DAB1: variants seen among roughly 807,000 people sequenced by gnomAD.
DAB1 encodes disabled homolog 1.
Under a neutral mutation model 64.6 loss-of-function variants are expected in DAB1, and 15 were observed. That is an observed-to-expected ratio of 0.23 (90% CI 0.16 to 0.36). The LOEUF is 0.36. DAB1 is among the 10% of genes least tolerant of loss of function. The pLI is 1.00. For missense variants in DAB1, 596 were observed against 706.7 expected (o/e 0.84, Z 1.78); for synonymous variants, 235 against 251.9 (o/e 0.93, Z 0.64).
chr1:57,191,550 T>C (rs1247365719), intron 2 of DAB1, among the ~76,000 whole-genome samples: 1 of 152,178 alleles, frequency 6.6e-6, no homozygotes, highest in Non-Finnish European at 1.5e-5. Flanking sequence ...GGCTCAACTA[T>C]ATCCCCGCTC....
At chr1:57,252,832 G>A (rs1669455021) in intron 2 of DAB1, among the ~76,000 whole-genome samples, 1 of 152,164 alleles carries the variant, frequency 6.6e-6, no homozygotes, top group Non-Finnish European at 1.5e-5. Context: ...GAGGCAGATG[G>A]TAGGCAGATC....
chr1:57,163,461 T>G (rs10789046), intron 2 of DAB1, among the ~76,000 whole-genome samples: 92,952 of 151,494 alleles, frequency 0.61, 29,744 homozygotes, highest in African/African-American at 0.8. Flanking sequence ...GGAAGGGGGT[T>G]AGAGGTGGAA....
chr1:57,824,971 T>A (rs1652281941), downstream of DAB1, among the ~76,000 whole-genome samples: 1 of 152,150 alleles, frequency 6.6e-6, no homozygotes, highest in Admixed American at 6.5e-5. Context: ...GGGTACTGGA[T>A]ATTGATCAGG....
intron 4 of DAB1, among the ~76,000 whole-genome samples, chr1:58,206,296 A>C (rs1240373792): frequency 6.6e-6 from 1 of 152,194 alleles, no homozygotes; most frequent in South Asian, 2.1e-4. Context: ...TGATTAGGCA[A>C]TCAGATATGC....
In DAB1 at chr1:57,553,499, AG is replaced by A. The variant is rs1362289401; in HGVS notation, n.625+96092del. Among the ~76,000 whole-genome samples, 169 of 139,690 alleles carry A rather than the reference AG, an allele frequency of 1.2e-3. 7 individuals carry two copies. Among genetic ancestry groups the A allele is most frequent in the Middle Eastern group, 3.6e-3 (1 of 276 alleles). The allele number at this position is 139,690 out of a possible 152,430, so 91.6% of individuals were successfully genotyped here. On this transcript the variant is annotated intron_variant and non_coding_transcript_variant, in intron 7 of 20. Coordinates refer to the DAB1 transcript ENST00000485760. ...AAGGAAGGAAGGAAGGAAGGAAGGA[AG>A]GAAGGAAGAGAGAGAGAGAAGAGGC...
At chr1:57,672,812 T>A (rs74075814) in intron 6 of DAB1, among the ~76,000 whole-genome samples, 3,078 of 152,252 alleles carry the variant, frequency 0.02, 96 homozygotes, top group African/African-American at 0.071. Flanking sequence ...TCTCTCTCTC[T>A]CACTAGATTC....
intron 5 of DAB1, among the ~76,000 whole-genome samples, chr1:57,911,116 T>C (rs1264212332): frequency 6.9e-6 from 1 of 144,938 alleles, no homozygotes; most frequent in African/African-American, 2.5e-5. Flanking sequence ...CACAAAGACA[T>C]TTAGGGAAAA....
At chr1:58,342,670 A>G (rs530597230) in intron 4 of DAB1, among the ~76,000 whole-genome samples, 2 of 152,218 alleles carry the variant, frequency 1.3e-5, no homozygotes, top group South Asian at 2.1e-4. Context: ...TGTTTCTCCA[A>G]TGTACCCTAT....
chr1:57,606,160 G>A, intron 7 of DAB1: 1 of 228,172 alleles, frequency 4.4e-6, no homozygotes, highest in South Asian at 3.8e-5. Context: ...TTGGTGAATT[G>A]CCACCTCCGG....
intron 1 of DAB1, among the ~76,000 whole-genome samples, chr1:57,864,021 T>C (rs536986375): frequency 6.6e-6 from 1 of 152,302 alleles, no homozygotes; most frequent in African/African-American, 2.4e-5. Flanking sequence ...AGATAGGACA[T>C]TAATACATAC....
At chr1:57,309,676 C>T (rs1159609713) in intron 1 of DAB1, among the ~76,000 whole-genome samples, 1 of 152,084 alleles carries the variant, frequency 6.6e-6, no homozygotes, top group Non-Finnish European at 1.5e-5. Flanking sequence ...CCCCAACAAC[C>T]TGGGCAAATT....
chr1:58,082,004 A>G (rs1650026208), intron 5 of DAB1, among the ~76,000 whole-genome samples: 1 of 151,260 alleles, frequency 6.6e-6, no homozygotes, highest in South Asian at 2.1e-4. Context: ...CTAGGATTTT[A>G]GATCTACAAG....
At chr1:57,949,996 C>T (rs368308823) in intron 5 of DAB1, among the ~76,000 whole-genome samples, 3 of 152,260 alleles carry the variant, frequency 2.0e-5, no homozygotes, top group African/African-American at 7.2e-5. Flanking sequence ...GGTTGTTGAG[C>T]TAGTTGGGTA....
At chr1:58,014,798 G>C (rs1646715818) in intron 5 of DAB1, among the ~76,000 whole-genome samples, 2 of 152,120 alleles carry the variant, frequency 1.3e-5, no homozygotes, top group Admixed American at 1.3e-4. Flanking sequence ...GAATCGATTT[G>C]CCTGACTTAA....
At chr1:57,371,806 C>T (rs1359279752) in intron 1 of DAB1, among the ~76,000 whole-genome samples, 2 of 152,228 alleles carry the variant, frequency 1.3e-5, no homozygotes, top group Non-Finnish European at 2.9e-5. Flanking sequence ...CCAGGGGCTA[C>T]TTTACACCCC....
intron 2 of DAB1, among the ~76,000 whole-genome samples, chr1:57,150,908 C>T (rs1317825913): frequency 2.0e-5 from 3 of 152,184 alleles, no homozygotes; most frequent in Non-Finnish European, 4.4e-5. Context: ...GCAATCCCAG[C>T]ACTTTGAGAG....
intron 7 of DAB1, among the ~76,000 whole-genome samples, chr1:57,458,467 A>G (rs1686674892): frequency 6.6e-6 from 1 of 150,458 alleles, no homozygotes; most frequent in African/African-American, 2.5e-5. Flanking sequence ...CCATTCAGGT[A>G]CTCCTATTTG....
At chr1:57,935,506 T>C (rs1243599793) in intron 5 of DAB1, among the ~76,000 whole-genome samples, 1 of 152,218 alleles carries the variant, frequency 6.6e-6, no homozygotes, top group African/African-American at 2.4e-5. Context: ...GTAGTAAATG[T>C]CTGCGGGTCA....
At chr1:57,822,540 T>C (rs965520389), downstream of DAB1, among the ~76,000 whole-genome samples, 1 of 152,218 alleles carries the variant, frequency 6.6e-6, no homozygotes, top group African/African-American at 2.4e-5. Context: ...CCTTGTACAA[T>C]AGACATAAAG....
Sources: gnomAD v4.1 joint callset for allele counts (sites outside exome capture counted in the v4.1 genomes callset) on GRCh38, gnomAD v4.1.1 for gene constraint, MANE v1.5 for transcripts, NCBI Gene and HGNC (gene_info 2026-07-23, HGNC 2026-07-21) for gene names.